Variants in ITIH1 observed in about 807,000 individuals in gnomAD.
ITIH1 encodes inter-alpha-trypsin inhibitor heavy chain 1, also known as inter-alpha-trypsin inhibitor heavy chain H1.
Under a neutral mutation model 104.6 loss-of-function variants are expected in ITIH1, and 94 were observed. The observed-to-expected ratio is 0.90, with a 90% CI of 0.76 to 1.07. The LOEUF is 1.07. Ranked by LOEUF, ITIH1 falls within the 50% of genes least tolerant of loss-of-function variation. The pLI is 0.00. For missense variants in ITIH1, 1,193 were observed against 1,181.4 expected, an observed-to-expected ratio of 1.01 and a Z score of -0.14; for synonymous variants, 455 against 464.4, an observed-to-expected ratio of 0.98 and a Z score of 0.26.
intron 21 of ITIH1, 28 bp downstream of exon 21, chr3:52,791,656 T>G: frequency 1.9e-6 from 3 of 1,611,650 alleles, no homozygotes; most frequent in Non-Finnish European, 2.5e-6. Context: ...CCAGCACGTC[T>G]GCCCTCGGCC....
rs1305157683 is a variant in ITIH1, at chr3:52,782,282, G to A, written c.930+15G>A. The A allele has an allele frequency of 6.3e-7, 1 of 1,590,292 alleles. No individual in the cohort carries two copies. Among genetic ancestry groups the A allele is most frequent in the Non-Finnish European group, 8.6e-7 (1 of 1,158,270 alleles). On this transcript the variant is annotated intron_variant, in intron 8 of 21. Transcript: ENST00000273283. The stretch of plus-strand genomic sequence containing the variant: ...AAGTGAAGCAGGTAGGCTGCAGCTT[G>A]AAACAGCTCACCCAGCAGAAGCTTC...
rs1221840181 is a variant in ITIH1 at position 52,789,697 on chromosome 3, C to G, written c.2164C>G (p.Pro722Ala). The change falls in exon 19 of 22, where the codon CCT becomes GCT. Residue 722 changes from proline (P) to alanine (A), a missense_variant. Coordinates refer to ENST00000273283, the MANE Select transcript of ITIH1 (RefSeq NM_002215.4). ...GCTCATTGGCAACAAGGCCAGGAGCCCTGGGCAGCATGACGGCACGTACTT... is the reference window on the plus strand; with the variant it reads ...GCTCATTGGCAACAAGGCCAGGAGCGCTGGGCAGCATGACGGCACGTACTT... The part of the protein sequence containing the change: ...GQLIGNKARS[P>A]GQHDGTYFGR... 2 of 1,614,200 alleles carry G rather than the reference C, an allele frequency of 1.2e-6. No individual in the cohort carries two copies. Among genetic ancestry groups the G allele is most frequent in the East Asian group, 2.2e-5 (1 of 44,878 alleles).
Position 52,783,110 on chromosome 3 carries a change from T to C in ITIH1, c.1084T>C (p.Phe362Leu). 1 of 1,614,054 alleles carries C rather than the reference T, an allele frequency of 6.2e-7. No homozygotes were observed. The highest frequency in any genetic ancestry group is 1.1e-5 in the South Asian group (1 of 91,058). Residue 362 changes from phenylalanine (F) to leucine (L), a missense_variant, in exon 9 of 22, where the codon TTT becomes CTT. Transcript: ENST00000273283. ...LQAAQDFVRG[F>L]SLDEATNLNG... ...AGCAGCTCAAGACTTTGTGCGGGGC[T>C]TTTCCCTGGATGAGGGTAAGGGTGG...
At chr3:52,788,092 A>G (rs762199089) in intron 17 of ITIH1, 26 bp downstream of exon 17, 8 of 1,577,644 alleles carry the variant, frequency 5.1e-6, no homozygotes, top group African/African-American at 4.0e-5. Flanking sequence ...GGTCTGAGGG[A>G]CACCCCTGTT....
At chr3:52,787,711 A>G in intron 16 of ITIH1, 99 bp downstream of exon 16, 1 of 1,356,034 alleles carries the variant, frequency 7.4e-7, no homozygotes, top group Non-Finnish European at 1.1e-6. Context: ...ACTGCTTGTC[A>G]CTGGGAATCT....
intron 15 of ITIH1, among the ~76,000 whole-genome samples, 176 bp from the exon 16 acceptor site, chr3:52,787,416 C>G (rs540320612): frequency 2.6e-4 from 40 of 152,280 alleles, no homozygotes; most frequent in African/African-American, 9.6e-4. Context: ...CCAGCAGCCT[C>G]CACTGGTCCC....
Position 52,782,163 on chromosome 3 carries a change from C to T in ITIH1, c.826C>T (p.His276Tyr), listed in dbSNP as rs753017513. 6.2e-7 allele frequency: 1 copy of T among 1,614,144 alleles called. No individual in the cohort carries two copies. Among genetic ancestry groups the T allele is most frequent in the Middle Eastern group, 1.6e-4 (1 of 6,062 alleles). Residue 276 changes from histidine to tyrosine, a missense_variant, in exon 8 of 22, where the codon CAC (histidine) becomes TAC (tyrosine). His to Tyr is a moderately conservative substitution (Grantham distance 83). Transcript: ENST00000273283. Reference sequence around the variant, plus strand: ...TCCTCTATTTCAGGTGGCCAATAACCACTTTGCCCACTTCTTTGCCCCCCA... The same window carrying T: ...TCCTCTATTTCAGGTGGCCAATAACTACTTTGCCCACTTCTTTGCCCCCCA... ...KICDLLVANNHFAHFFAPQNL... is the reference protein window; with the variant it reads ...KICDLLVANNYFAHFFAPQNL...
Position 52,780,253 on chromosome 3 carries a change from T to G in ITIH1, c.574-16T>G, listed in dbSNP as rs57522359. On this transcript the variant is annotated splice_polypyrimidine_tract_variant and intron_variant, in intron 5 of 21. Coordinates refer to ENST00000273283, the MANE Select transcript of ITIH1 (RefSeq NM_002215.4). The stretch of plus-strand genomic sequence containing the variant: ...CATCTTTTTTTTTAAAAAAATAATT[T>G]GCTTCAATGTTGCAGATTGATGTGG... The G allele has an allele frequency of 0.011, 17,656 of 1,565,600 alleles. 1,621 individuals carry two copies. The African/African-American group carries it at 0.2, about 18-fold the overall frequency.
chr3:52,787,670 T>A, intron 16 of ITIH1, 58 bp downstream of exon 16: 1 of 1,577,356 alleles, frequency 6.3e-7, no homozygotes, highest in South Asian at 1.1e-5. Flanking sequence ...GATCACCCCG[T>A]TGGCTTTCTT....
chr3:52,778,111 C>T, intron 2 of ITIH1, 94 bp downstream of exon 2: 1 of 1,403,254 alleles, frequency 7.1e-7, no homozygotes, highest in South Asian at 1.2e-5. Context: ...TCTATCAGGG[C>T]CATAGGCATG....
chr3:52,790,705 T>G (rs1232104473), intron 19 of ITIH1, 44 bp from the exon 20 acceptor site: 2 of 1,584,850 alleles, frequency 1.3e-6, no homozygotes, highest in South Asian at 1.1e-5. Flanking sequence ...TGGAGAGGGA[T>G]GCAGTGCAGC....
Position 52,788,039 on chromosome 3 carries a change from C to G in ITIH1, c.1978C>G (p.Gln660Glu), listed in dbSNP as rs1318272442. 1 of 1,610,810 alleles carries G rather than the reference C, an allele frequency of 6.2e-7. No individual in the cohort carries two copies. The change falls in exon 17 of 22, where the codon CAG becomes GAG. Residue 660 changes from glutamine to glutamate, a missense_variant. By Grantham distance (29) the Gln-to-Glu change is conservative (BLOSUM62 2). Transcript: ENST00000273283. ...TCCTACTCATTCCAGCTCCAATACC[C>G]AGCGGCTGCCAGACCGAGTGACCGG... Reference protein sequence around the residue: ...PSPTHSSSNTQRLPDRVTGVD... With the variant: ...PSPTHSSSNTERLPDRVTGVD...
rs1698995247 is a variant in ITIH1, at chr3:52,780,060, G to A, written c.574-209G>A. ...GGGTGGGTGCTGCACACAGTAGGTG[G>A]CCAGGACACATGCTGGCTCTTGGCT... On this transcript the variant is annotated intron_variant, in intron 5 of 21. Coordinates refer to ENST00000273283, the MANE Select transcript of ITIH1 (RefSeq NM_002215.4). The A allele has an allele frequency of 2.2e-5, 24 of 1,099,168 alleles. No homozygotes were observed. The South Asian group carries it at 3.9e-4, about 18-fold the overall frequency. 68.1% of individuals were successfully genotyped at this position (1,099,168 alleles called of 1,614,324 possible).
At chr3:52,791,399 C>T in intron 20 of ITIH1, 118 bp from the exon 21 acceptor site, 1 of 716,600 alleles carries the variant, frequency 1.4e-6, no homozygotes, top group South Asian at 1.7e-5. Context: ...CAGAAACAGT[C>T]AAGCCCTGGA....
In ITIH1 at chr3:52,782,150, G is replaced by A. The variant is rs1340570488; in HGVS notation, c.814-1G>A. 6.2e-7 allele frequency: 1 copy of A among 1,614,052 alleles called. No individual in the cohort carries two copies. Among genetic ancestry groups the A allele is most frequent in the East Asian group, 2.2e-5 (1 of 44,908 alleles). On this transcript the variant is annotated splice_acceptor_variant, in intron 7 of 21. Coordinates refer to ENST00000273283, the MANE Select transcript of ITIH1 (RefSeq NM_002215.4). LOFTEE classifies it high-confidence loss of function. ...GCCTCACTCGTTCTCCTCTATTTCA[G>A]GTGGCCAATAACCACTTTGCCCACT...
chr3:52,779,117 A>G lies in ITIH1; in HGVS notation c.410+71A>G, dbSNP rs1329867742. The G allele has an allele frequency of 1.8e-6, 2 of 1,119,294 alleles. No homozygotes were observed. The highest frequency in any genetic ancestry group is 2.3e-5 in the East Asian group (1 of 42,590). 69.3% of individuals were successfully genotyped at this position (1,119,294 alleles called of 1,614,324 possible). On this transcript the variant is annotated intron_variant, in intron 4 of 21. Transcript: ENST00000273283. The surrounding 1 kb of genome is among the most constrained non-coding windows in gnomAD (Gnocchi z 4.4). ...AGCCAGGACAGGTCTGATGGCTGCAAGGTGGCTTTAGTGGAGAACAGCCCA... is the reference window on the plus strand; with the variant it reads ...AGCCAGGACAGGTCTGATGGCTGCAGGGTGGCTTTAGTGGAGAACAGCCCA...
chr3:52,791,962 G>C lies in ITIH1; in HGVS notation c.*51G>C, dbSNP rs770836317. ...CCCCCGGGGCCAAGGCAGAGGAGGA[G>C]GACGACATCCTGACCTGCTGCTGAG... On this transcript the variant is annotated 3_prime_UTR_variant, in exon 22 of 22. Coordinates refer to ENST00000273283, the MANE Select transcript of ITIH1 (RefSeq NM_002215.4). 3 of 1,570,282 alleles carry C rather than the reference G, an allele frequency of 1.9e-6. No homozygotes were observed. The East Asian group carries it at 6.8e-5, about 35-fold the overall frequency.
At chr3:52,780,035 G>T in intron 5 of ITIH1, 1 of 1,270,452 alleles carries the variant, frequency 7.9e-7, no homozygotes. Context: ...GATCAGGGCT[G>T]GGTGGGTGCT....
Position 52,778,405 on chromosome 3 carries a change from C to G in ITIH1, c.204C>G (p.His68Gln). Reference protein sequence around the residue: ...VNCKVTSRFAHYVVTSQVVNT... With the variant: ...VNCKVTSRFAQYVVTSQVVNT... ...GCAAAGTCACCTCTCGCTTCGCCCA[C>G]TATGTTGTCACCAGCCAAGTGGTCA... The change falls in exon 3 of 22, where the codon CAC becomes CAG. Residue 68 changes from histidine (H) to glutamine (Q), a missense_variant. Transcript: ENST00000273283. 4.3e-6 allele frequency: 7 copies of G among 1,614,218 alleles called. No individual in the cohort carries two copies. The highest frequency in any genetic ancestry group is 5.9e-6 in the Non-Finnish European group (7 of 1,180,036).
Sources: gnomAD v4.1 joint callset for allele counts (sites outside exome capture counted in the v4.1 genomes callset) on GRCh38, gnomAD v4.1.1 for gene constraint, Gnocchi (gnomAD v3.1) non-coding constraint, MANE v1.5 for transcripts, NCBI Gene and HGNC (gene_info 2026-07-23, HGNC 2026-07-21) for gene names.